The following POLE variants were observed in gnomAD, a reference collection of about 807,000 sequenced individuals.
POLE encodes the protein DNA polymerase epsilon, catalytic subunit.
POLE carries 188 observed loss-of-function variants against 279.2 expected under a neutral mutation model. That is an observed-to-expected ratio of 0.67 (90% confidence interval 0.60 to 0.76). The LOEUF (loss-of-function observed/expected upper bound fraction) is 0.76, where lower values mean the gene tolerates loss of function less well. POLE is among the 30% of genes least tolerant of loss of function. The pLI, the probability that POLE is intolerant of heterozygous loss-of-function variation, is 0.00. For missense variants in POLE, 2,703 were observed against 3,016.7 expected (o/e 0.90, Z 2.44); for synonymous variants, 1,214 against 1,172.5 (o/e 1.04, Z -0.72).
Position 132,649,314 on chromosome 12 carries a change from T to C in POLE, c.3997A>G (p.Ile1333Val), listed in dbSNP as rs751467689. 1.6e-5 allele frequency: 26 copies of C among 1,613,552 alleles called. No homozygotes were observed. The South Asian group carries it at 2.5e-4, about 16-fold the overall frequency. Residue 1333 changes from isoleucine to valine, a missense_variant, in exon 31 of 49, where the codon ATT (isoleucine) becomes GTT (valine). Transcript: ENST00000320574. ...TGGATCAAGGTCTATACCTGCACAA[T>C]CTGCCACGGAAGGTCCAGGATGCTG... ...ARSILDLPWQ[I>V]VQISETSQAG...
At chr12:132,669,006 C>A in intron 16 of POLE, 67 bp from the exon 17 acceptor site, 3 of 1,499,602 alleles carry the variant, frequency 2.0e-6, no homozygotes, top group East Asian at 2.3e-5. Flanking sequence ...TTCACCAACC[C>A]CTTTTAGACA....
At chr12:132,626,095 G>GC in intron 46 of POLE, 22 bp downstream of exon 46, 1 of 1,571,960 alleles carries the variant, frequency 6.4e-7, no homozygotes, top group Non-Finnish European at 8.6e-7. Flanking sequence ...ACAGTGAAGG[G>GC]CCCGCTGGAG....
intron 26 of POLE, 41 bp downstream of exon 26, chr12:132,659,254 G>A (rs764820964): frequency 8.2e-6 from 13 of 1,589,654 alleles, no homozygotes; most frequent in Non-Finnish European, 1.1e-5. Flanking sequence ...TGTCCGTGAT[G>A]GGAGGAGCCC....
At chr12:132,629,092 G>C (rs922336386) in intron 45 of POLE, among the ~76,000 whole-genome samples, 4 of 152,346 alleles carry the variant, frequency 2.6e-5, no homozygotes, top group East Asian at 3.9e-4. Flanking sequence ...ATTGCTCCTT[G>C]ATCCATGGGC....
chr12:132,675,937 C>T lies in POLE; in HGVS notation c.1021-117G>A. On this transcript the variant is annotated intron_variant, in intron 10 of 48. Coordinates refer to ENST00000320574, the MANE Select transcript of POLE (RefSeq NM_006231.4). This position sits in a 1 kb window ranked among gnomAD's most constrained non-coding sequence, Gnocchi z 4.3. ...ATGTTGGCCCTTATTCCTGCCCCGC[C>T]CCTCCGCCCGTCTCTGGCAGAAAAG... 1.0e-6 allele frequency: 1 copy of T among 967,890 alleles called. No individual in the cohort carries two copies. The highest frequency in any genetic ancestry group is 1.6e-6 in the Non-Finnish European group (1 of 618,458). The allele number at this position is 967,890 out of a possible 1,614,324, so 60.0% of individuals were successfully genotyped here.
At position 132,632,452 on chromosome 12, in the gene POLE, T is replaced by C; in HGVS notation, c.6193A>G (p.Thr2065Ala). Residue 2065 changes from threonine (T) to alanine (A), a missense_variant, in exon 45 of 49, where the codon ACC becomes GCC. Coordinates refer to ENST00000320574, the MANE Select transcript of POLE (RefSeq NM_006231.4). ...TTCTTCTGAATCTTCTGAGTGATGG[T>C]GAAGAAGCTCTGAGTGAGCTCATTT... The part of the protein sequence containing the change: ...VANELTQSFF[T>A]ITQKIQKKVT... The C allele has an allele frequency of 6.2e-7, 1 of 1,614,012 alleles. No homozygotes were observed. Among genetic ancestry groups the C allele is most frequent in the Non-Finnish European group, 8.5e-7 (1 of 1,179,894 alleles).
intron 26 of POLE, 147 bp from the exon 27 acceptor site, chr12:132,658,117 A>G (rs1197787896): frequency 7.4e-5 from 45 of 608,974 alleles, no homozygotes; most frequent in Non-Finnish European, 1.2e-5. Context: ...ATATGTATGC[A>G]CAAACATGCC....
Position 132,634,831 on chromosome 12 carries a change from T to A in POLE, c.5812-453A>T, listed in dbSNP as rs535347097. ...GTAGACACCGACACCCACTGCCACCTGCCCTGACCACACGCTGATCCCCTC... is the reference window on the plus strand; with the variant it reads ...GTAGACACCGACACCCACTGCCACCAGCCCTGACCACACGCTGATCCCCTC... On this transcript the variant is annotated intron_variant, in intron 42 of 48. Transcript: ENST00000320574. The surrounding 1 kb of genome is among the most constrained non-coding windows in gnomAD (Gnocchi z 4.0). Among the ~76,000 whole-genome samples, 11 of 152,264 alleles carry A rather than the reference T, an allele frequency of 7.2e-5. No individual in the cohort carries two copies. The highest frequency in any genetic ancestry group is 2.4e-4 in the African/African-American group (10 of 41,564).
intron 45 of POLE, among the ~76,000 whole-genome samples, chr12:132,631,788 C>T (rs1286718820): frequency 1.3e-5 from 2 of 152,160 alleles, no homozygotes; most frequent in African/African-American, 4.8e-5. Context: ...ACTGGGTGTT[C>T]GGCTGTGCCT....
chr12:132,660,851 G>C (rs2042662100), intron 25 of POLE, 118 bp downstream of exon 25: 1 of 740,042 alleles, frequency 1.4e-6, no homozygotes, highest in Non-Finnish European at 2.2e-6. Flanking sequence ...GATTTCATTA[G>C]GACTGGCCCT....
rs528153939 is a variant in POLE, at chr12:132,648,811, T to C, written c.4149+118A>G. The C allele has an allele frequency of 1.2e-4, 136 of 1,130,938 alleles. No homozygotes were observed. The African/African-American group carries it at 2.0e-3, about 17-fold the overall frequency. 70.1% of individuals were successfully genotyped at this position (1,130,938 alleles called of 1,614,324 possible). A position where few individuals can be genotyped will look rare whatever the true frequency, so the allele number is the denominator to read the frequency against. ...CGCTCACACACGTTGTTTTGAGGAA[T>C]TCCTAGAACATCCCCATAAGGTACT... On this transcript the variant is annotated intron_variant, in intron 32 of 48. Transcript: ENST00000320574.
In POLE at chr12:132,668,721, T is replaced by A. The variant is rs1060500884; in HGVS notation, c.1940A>T (p.Asp647Val). 10 of 1,613,864 alleles carry A rather than the reference T, an allele frequency of 6.2e-6. No homozygotes were observed. Among genetic ancestry groups the A allele is most frequent in the African/African-American group, 5.3e-5 (4 of 74,908 alleles). The stretch of plus-strand genomic sequence containing the variant: ...GTCACAGGCAGCACAGGTGGCTTCG[T>A]CCACCATGGCAGAGGGCTGGGAGGG... ...TNRLQPSAMVDEATCAACDFN... is the reference protein window; with the variant it reads ...TNRLQPSAMVVEATCAACDFN... The change falls in exon 18 of 49, where the codon GAC becomes GTC. Residue 647 changes from aspartate (D) to valine (V), a missense_variant. Asp to Val is a radical substitution (Grantham distance 152). Coordinates refer to ENST00000320574, the MANE Select transcript of POLE (RefSeq NM_006231.4). The surrounding 1 kb of genome is among the most constrained non-coding windows in gnomAD (Gnocchi z 4.0).
chr12:132,644,064 C>T, intron 32 of POLE, 87 bp from the exon 33 acceptor site: 3 of 1,374,066 alleles, frequency 2.2e-6, no homozygotes, highest in Non-Finnish European at 2.9e-6. Context: ...ATTCGGAGTC[C>T]TAGACTTCTG....
chr12:132,670,182 C>T (rs1158177779), intron 16 of POLE, among the ~76,000 whole-genome samples: 1 of 150,618 alleles, frequency 6.6e-6, no homozygotes, highest in Non-Finnish European at 1.5e-5. Context: ...ACCAGCCTGG[C>T]CAACATGGAG....
rs941902047 is a variant in POLE at position 132,634,751 on chromosome 12, C to T, written c.5812-373G>A. Among the ~76,000 whole-genome samples the T allele has an allele frequency of 6.6e-6, 1 of 152,216 alleles. No individual in the cohort carries two copies. Among genetic ancestry groups the T allele is most frequent in the African/African-American group, 2.4e-5 (1 of 41,452 alleles). ...CTCCTGGGACGGCACGACCCCATCACAGACCCAGCCTCCCGCGCAGCCTGT... is the reference window on the plus strand; with the variant it reads ...CTCCTGGGACGGCACGACCCCATCATAGACCCAGCCTCCCGCGCAGCCTGT... On this transcript the variant is annotated intron_variant, in intron 42 of 48. Transcript: ENST00000320574. The surrounding 1 kb of genome is among the most constrained non-coding windows in gnomAD (Gnocchi z 4.0).
In POLE at chr12:132,673,163, C is replaced by T. The variant is rs1218693921; in HGVS notation, c.1473+1G>A. 6.3e-7 allele frequency: 1 copy of T among 1,590,452 alleles called. No individual in the cohort carries two copies. The highest frequency in any genetic ancestry group is 8.6e-7 in the Non-Finnish European group (1 of 1,158,522). On this transcript the variant is annotated splice_donor_variant, in intron 14 of 48. Transcript: ENST00000320574. LOFTEE classifies it high-confidence loss of function. The stretch of plus-strand genomic sequence containing the variant: ...GTGCCGACAGGACAGATAATGCTCA[C>T]CTCGTCGGGCTCCATGGGAATAATG...
At position 132,632,329 on chromosome 12, in the gene POLE, T is replaced by C; in HGVS notation, c.6316A>G (p.Lys2106Glu). The C allele has an allele frequency of 6.2e-7, 1 of 1,613,986 alleles. No individual in the cohort carries two copies. Among genetic ancestry groups the C allele is most frequent in the Non-Finnish European group, 8.5e-7 (1 of 1,179,866 alleles). ...LLNNPALEFI[K>E]YVCKVLSLDT... ...GGCACTCTCACCTTGCACACGTATTTGATGAACTCCAGGGCAGGGTTATTG... is the reference window on the plus strand; with the variant it reads ...GGCACTCTCACCTTGCACACGTATTCGATGAACTCCAGGGCAGGGTTATTG... Residue 2106 changes from lysine to glutamate, a missense_variant, in exon 45 of 49, where the codon AAA becomes GAA. This residue lies in a region of POLE where 1,551 missense variants were observed against 1,686.1 expected (regional missense o/e 0.92). Coordinates refer to ENST00000320574, the MANE Select transcript of POLE (RefSeq NM_006231.4).
At chr12:132,653,839 T>C (rs1289460735) in intron 29 of POLE, among the ~76,000 whole-genome samples, 4 of 125,428 alleles carry the variant, frequency 3.2e-5, no homozygotes, top group Admixed American at 8.3e-5. Flanking sequence ...ATCTCATCTA[T>C]TCTGATTTTG....
At chr12:132,653,193 G>GC (rs1480375451) in intron 29 of POLE, among the ~76,000 whole-genome samples, 2 of 152,184 alleles carry the variant, frequency 1.3e-5, no homozygotes, top group African/African-American at 4.8e-5. Flanking sequence ...ATCAGCCTGG[G>GC]CAACAGTGAG....
Sources: allele counts gnomAD v4.1 joint callset (sites outside exome capture counted in the v4.1 genomes callset), GRCh38; gene constraint gnomAD v4.1.1; regional missense constraint gnomAD v4.1.1; non-coding constraint Gnocchi (gnomAD v3.1); transcripts MANE v1.5; gene names NCBI Gene and HGNC (gene_info 2026-07-23, HGNC 2026-07-21).